IFT122: variants seen among roughly 807,000 people sequenced by gnomAD.
IFT122 encodes the protein intraflagellar transport protein 122 homolog.
In IFT122, 118 loss-of-function variants were observed where a neutral mutation model predicts 161.6. The observed-to-expected ratio is 0.73, with a 90% CI of 0.63 to 0.85. The LOEUF is 0.85. IFT122 is among the 40% of genes least tolerant of loss of function. The pLI, the probability that IFT122 is intolerant of heterozygous loss-of-function variation, is 0.00. For synonymous variants in IFT122, 550 were observed against 602.4 expected (o/e 0.91, Z 1.27); for missense variants, 1,381 against 1,579.6 (o/e 0.87, Z 2.13).
intron 18 of IFT122, among the ~76,000 whole-genome samples, chr3:129,495,926 C>T (rs3774773): frequency 0.23 from 35,312 of 152,100 alleles, 6,224 homozygotes; most frequent in East Asian, 0.49. Flanking sequence ...CAGGGCTGTC[C>T]CCCACAAATC....
At chr3:129,505,553 G>A (rs2082107415) in intron 21 of IFT122, among the ~76,000 whole-genome samples, 1 of 152,112 alleles carries the variant, frequency 6.6e-6, no homozygotes, top group South Asian at 2.1e-4. Context: ...TAGTAACTTG[G>A]TACTCAGACA....
In IFT122 at chr3:129,492,185, C is replaced by A. The variant is rs201823275; in HGVS notation, c.2037C>A (p.Ser679Arg). Residue 679 changes from serine to arginine, a missense_variant, in exon 17 of 30, where the codon AGC becomes AGA. Ser to Arg is a moderately radical substitution (Grantham distance 110). Transcript: ENST00000348417. ...VQDLRYLELI[S>R]SIEERKKRGE... Reference sequence around the variant, plus strand: ...ACCTCCGATATTTAGAGCTCATCAGCAGCATTGAGGTAAAAGATGAAGCAT... The same window carrying A: ...ACCTCCGATATTTAGAGCTCATCAGAAGCATTGAGGTAAAAGATGAAGCAT... 1 of 1,612,526 alleles carries A rather than the reference C, an allele frequency of 6.2e-7. No individual in the cohort carries two copies. The highest frequency in any genetic ancestry group is 8.5e-7 in the Non-Finnish European group (1 of 1,178,596).
chr3:129,440,396 GAGC>G, intron 1 of IFT122, 25 bp downstream of exon 1: 2 of 1,550,154 alleles, frequency 1.3e-6, no homozygotes, highest in Non-Finnish European at 1.7e-6. Context: ...GGTTCGCGAA[GAGC>G]AGGAGGTCGA....
chr3:129,450,073 A>G (rs1208406691), intron 2 of IFT122, 136 bp downstream of exon 2: 3 of 695,232 alleles, frequency 4.3e-6, no homozygotes, highest in Non-Finnish European at 7.8e-6. Context: ...TTACTTTTTA[A>G]TAGGGATGGA....
chr3:129,501,161 G>C (rs951251184), intron 19 of IFT122, among the ~76,000 whole-genome samples: 2 of 152,108 alleles, frequency 1.3e-5, no homozygotes, highest in Admixed American at 6.5e-5. Flanking sequence ...GAGGGGGAAG[G>C]CTTTGTCCTC....
At chr3:129,496,087 C>A (rs1227443620) in intron 18 of IFT122, among the ~76,000 whole-genome samples, 2 of 152,226 alleles carry the variant, frequency 1.3e-5, no homozygotes, top group Non-Finnish European at 2.9e-5. Flanking sequence ...TCTGGGAAGT[C>A]AGGCAGAGCC....
intron 3 of IFT122, among the ~76,000 whole-genome samples, chr3:129,452,678 C>T (rs1388050905): frequency 6.6e-6 from 1 of 152,086 alleles, no homozygotes; most frequent in Non-Finnish European, 1.5e-5. Context: ...GTGGTCAGAT[C>T]ATAAAGATTT....
chr3:129,465,061 G>C (rs914857798), intron 7 of IFT122, among the ~76,000 whole-genome samples: 1 of 151,664 alleles, frequency 6.6e-6, no homozygotes, highest in South Asian at 2.1e-4. Flanking sequence ...TGTGTGTGGC[G>C]TGTGTGTCTG....
chr3:129,506,721 G>A lies in IFT122; in HGVS notation c.2791+172G>A, dbSNP rs1042351099. On this transcript the variant is annotated intron_variant, in intron 22 of 29. Transcript: ENST00000348417. ...CTGGTGTATCATCTTTTTCCAGTTT[G>A]CCCATCAGAATGGTATGAGGACCGT... Among the ~76,000 whole-genome samples, 9 of 152,162 alleles carry A rather than the reference G, an allele frequency of 5.9e-5. 1 individual carries two copies. Among genetic ancestry groups the A allele is most frequent in the Non-Finnish European group, 8.8e-5 (6 of 68,036 alleles).
chr3:129,478,494 G>T (rs963286089), intron 12 of IFT122, among the ~76,000 whole-genome samples: 8 of 152,020 alleles, frequency 5.3e-5, no homozygotes, highest in African/African-American at 1.9e-4. Flanking sequence ...TTGCTCTGTT[G>T]CCCAGGCTGG....
Position 129,476,819 on chromosome 3 carries a change from A to G in IFT122, c.1147+18A>G, listed in dbSNP as rs748109314. ...GCAGAAAGGTAAGAGGCAGGTCCAG[A>G]CCTTGGGAAGAGGGACAGGTGGAAG... On this transcript the variant is annotated intron_variant, in intron 11 of 29. Coordinates refer to ENST00000348417, the MANE Select transcript of IFT122 (RefSeq NM_052989.3). 1.1e-5 allele frequency: 18 copies of G among 1,613,896 alleles called. No homozygotes were observed. The highest frequency in any genetic ancestry group is 1.0e-4 in the Admixed American group (6 of 60,006).
At chr3:129,448,899 A>G (rs2074389337) in intron 1 of IFT122, among the ~76,000 whole-genome samples, 1 of 152,000 alleles carries the variant, frequency 6.6e-6, no homozygotes, top group Non-Finnish European at 1.5e-5. Context: ...AGGTTTCACT[A>G]TGTTGGCCAG....
intron 2 of IFT122, among the ~76,000 whole-genome samples, chr3:129,450,918 C>T (rs1186137028): frequency 6.6e-6 from 1 of 151,882 alleles, no homozygotes; most frequent in Non-Finnish European, 1.5e-5. Context: ...GACGGGGTTT[C>T]TCCGTGTTAG....
Position 129,495,632 on chromosome 3 carries a change from A to T in IFT122, c.2208+25A>T, listed in dbSNP as rs202200755. 7.4e-6 allele frequency: 12 copies of T among 1,613,866 alleles called. No homozygotes were observed. The African/African-American group carries it at 1.1e-4, about 14-fold the overall frequency. On this transcript the variant is annotated intron_variant, in intron 18 of 29. Coordinates refer to ENST00000348417, the MANE Select transcript of IFT122 (RefSeq NM_052989.3). ...GGTAACCTACCCTGTCCCAGGCCCA[A>T]GCTCCAGCTTGGAGCCCACTGGTAT...
At chr3:129,519,787 C>T in intron 29 of IFT122, 55 bp downstream of exon 29, 1 of 1,600,562 alleles carries the variant, frequency 6.2e-7, no homozygotes. Flanking sequence ...TTTTCCCTTG[C>T]CCAAATGTCC....
intron 29 of IFT122, 127 bp downstream of exon 29, chr3:129,519,859 C>A: frequency 1.8e-6 from 2 of 1,106,676 alleles, no homozygotes; most frequent in Non-Finnish European, 2.7e-6. Context: ...GGGACAGAGG[C>A]TTGTCTGTCC....
intron 3 of IFT122, among the ~76,000 whole-genome samples, chr3:129,452,536 C>CG (rs2074971896): frequency 1.3e-5 from 2 of 151,964 alleles, no homozygotes; most frequent in Admixed American, 6.6e-5. Flanking sequence ...CAGTGGGCAT[C>CG]GGGGGGAAGA....
intron 7 of IFT122, 74 bp downstream of exon 7, chr3:129,464,855 C>G: frequency 6.6e-7 from 1 of 1,522,254 alleles, no homozygotes; most frequent in Non-Finnish European, 9.1e-7. Flanking sequence ...CTGAGGTCTC[C>G]CTACATTCAA....
intron 26 of IFT122, 36 bp downstream of exon 26, chr3:129,515,635 G>A: frequency 5.3e-6 from 8 of 1,507,596 alleles, no homozygotes; most frequent in South Asian, 3.4e-5. Context: ...GGGTGGGACA[G>A]CCTGTGGACA....
Sources: allele counts gnomAD v4.1 joint callset (sites outside exome capture counted in the v4.1 genomes callset), GRCh38; gene constraint gnomAD v4.1.1; transcripts MANE v1.5; gene names NCBI Gene and HGNC (gene_info 2026-07-23, HGNC 2026-07-21).